Variants in KIAA1217 observed in about 807,000 individuals in gnomAD.
The protein encoded by KIAA1217 is KIAA1217.
A neutral mutation model predicts 163.9 loss-of-function variants in KIAA1217; 88 were observed. The ratio of observed to expected loss-of-function variants is 0.54; its 90% CI spans 0.45 to 0.64. The LOEUF (loss-of-function observed/expected upper bound fraction) is 0.64. Among genes scored for constraint, KIAA1217 ranks in the 30% least tolerant of loss-of-function variants. The pLI is 0.00. For synonymous variants in KIAA1217, 903 were observed against 923.1 expected, an observed-to-expected ratio of 0.98 and a Z score of 0.39; for missense variants, 2,372 against 2,475.0, an observed-to-expected ratio of 0.96 and a Z score of 0.88.
intron 6 of KIAA1217, among the ~76,000 whole-genome samples, chr10:24,487,152 C>G (rs1023782422): frequency 6.6e-6 from 1 of 152,208 alleles, no homozygotes; most frequent in Admixed American, 6.5e-5. Context: ...ATAAATTCTG[C>G]CATTCTTTTC....
At chr10:23,818,739 C>A (rs572332007) in intron 1 of KIAA1217, among the ~76,000 whole-genome samples, 16 of 152,138 alleles carry the variant, frequency 1.1e-4, no homozygotes, top group Non-Finnish European at 1.9e-4. Context: ...TGTCCTTTGG[C>A]AGGGCTTAAG....
intron 12 of KIAA1217, among the ~76,000 whole-genome samples, chr10:24,522,499 G>A (rs1200841340): frequency 3.3e-5 from 5 of 152,202 alleles, no homozygotes; most frequent in Non-Finnish European, 7.3e-5. Flanking sequence ...GAGTATCTGT[G>A]AGACTGTTGG....
At chr10:24,144,039 C>G (rs1422515947) in intron 2 of KIAA1217, among the ~76,000 whole-genome samples, 1 of 152,046 alleles carries the variant, frequency 6.6e-6, no homozygotes, top group South Asian at 2.1e-4. Context: ...TTAGACTGGA[C>G]TTAAATCTAC....
At chr10:24,099,967 C>A (rs542654835) in intron 2 of KIAA1217, among the ~76,000 whole-genome samples, 1 of 151,840 alleles carries the variant, frequency 6.6e-6, no homozygotes, top group Non-Finnish European at 1.5e-5. Context: ...ATATGATTTC[C>A]TTGTCTTTTA....
intron 1 of KIAA1217, among the ~76,000 whole-genome samples, chr10:23,743,242 G>GA (rs11446205): frequency 0.26 from 37,197 of 144,406 alleles, 4,895 homozygotes; most frequent in African/African-American, 0.34. Context: ...GATGAACTTT[G>GA]AAAAAAAAAA....
chr10:23,827,320 C>A (rs952778764), intron 1 of KIAA1217, among the ~76,000 whole-genome samples: 2 of 152,184 alleles, frequency 1.3e-5, no homozygotes, highest in African/African-American at 2.4e-5. Flanking sequence ...AAAACTTTCA[C>A]TGGCTCTGTG....
intron 9 of KIAA1217, among the ~76,000 whole-genome samples, chr10:24,512,665 C>T (rs1302127893): frequency 6.6e-6 from 1 of 152,208 alleles, no homozygotes. Context: ...TCTGTGATTT[C>T]ATGGTACTTG....
At chr10:23,838,788 T>C (rs1260703447) in intron 1 of KIAA1217, among the ~76,000 whole-genome samples, 1 of 152,202 alleles carries the variant, frequency 6.6e-6, no homozygotes, top group Non-Finnish European at 1.5e-5. Flanking sequence ...ATGGACTTTG[T>C]AAGAGATCTT....
intron 1 of KIAA1217, among the ~76,000 whole-genome samples, chr10:23,745,544 A>G (rs1003403776): frequency 6.6e-6 from 1 of 152,248 alleles, no homozygotes; most frequent in African/African-American, 2.4e-5. Context: ...TGTCCTGCTG[A>G]GAAGCTCTCA....
chr10:24,312,918 A>G (rs763148255), intron 2 of KIAA1217, among the ~76,000 whole-genome samples: 7 of 152,166 alleles, frequency 4.6e-5, no homozygotes, highest in Non-Finnish European at 1.0e-4. Flanking sequence ...CTTGTCTCAA[A>G]CAAACAAAAC....
At chr10:24,307,948 C>T (rs995396842) in intron 2 of KIAA1217, among the ~76,000 whole-genome samples, 2 of 152,156 alleles carry the variant, frequency 1.3e-5, no homozygotes, top group South Asian at 2.1e-4. Context: ...GGTCACTGCC[C>T]GAGTCATGGG....
At chr10:23,817,267 A>T (rs975279597) in intron 1 of KIAA1217, among the ~76,000 whole-genome samples, 2 of 152,240 alleles carry the variant, frequency 1.3e-5, no homozygotes, top group African/African-American at 4.8e-5. Context: ...AGGATAAGAC[A>T]GGATGATATA....
upstream of KIAA1217, among the ~76,000 whole-genome samples, chr10:24,208,161 A>T: frequency 1.5e-5 from 2 of 135,982 alleles, no homozygotes; most frequent in African/African-American, 5.6e-5. Context: ...TCCTATTTTC[A>T]CTCTCTGGGA....
In KIAA1217 at chr10:23,711,032, G is replaced by T. The variant is rs1837218957; in HGVS notation, c.-321+15798G>T. On this transcript the variant is annotated intron_variant, in intron 1 of 18. Coordinates refer to the KIAA1217 transcript ENST00000376462. ...AGGCTTCATCAAAAGTGAGACTATT[G>T]ACTCTTACTCTTTATCTAGATGTGA... Among the ~76,000 whole-genome samples the T allele has an allele frequency of 3.3e-5, 5 of 152,170 alleles. No individual in the cohort carries two copies. The South Asian group carries it at 1.0e-3, about 31-fold the overall frequency.
chr10:24,538,566 G>GAGGAAGGAAGGAAGGA lies in KIAA1217; in HGVS notation c.3534+1699_3534+1714dup, dbSNP rs1220062160. ...GGAGGGATGGAGGGAGGGAGGGAGGGAGGAAGGAAGGAAGGAAGGAAGGAA... is the reference window on the plus strand; with the variant it reads ...GGAGGGATGGAGGGAGGGAGGGAGGGAGGAAGGAAGGAAGGAAGGAAGGAAGGAAGGAAGGAAGGAA... On this transcript the variant is annotated intron_variant, in intron 17 of 20. Coordinates refer to ENST00000376454, the MANE Select transcript of KIAA1217 (RefSeq NM_019590.5). Among the ~76,000 whole-genome samples the GAGGAAGGAAGGAAGGA allele has an allele frequency of 2.1e-4, 18 of 83,980 alleles. No individual in the cohort carries two copies. The East Asian group carries it at 2.3e-3, about 11-fold the overall frequency. 55.1% of individuals were successfully genotyped at this position (83,980 alleles called of 152,430 possible). A position where few individuals can be genotyped will look rare whatever the true frequency, so the allele number is the denominator to read the frequency against.
intron 3 of KIAA1217, among the ~76,000 whole-genome samples, chr10:24,425,910 A>G (rs148369678): frequency 0.012 from 1,818 of 152,300 alleles, 16 homozygotes; most frequent in Non-Finnish European, 0.017. Context: ...ACCTTTGCCA[A>G]TGTTGTAGGT....
intron 1 of KIAA1217, among the ~76,000 whole-genome samples, chr10:23,714,474 T>G (rs935205890): frequency 2.6e-5 from 4 of 152,050 alleles, no homozygotes; most frequent in African/African-American, 9.7e-5. Context: ...ACTAAGACTT[T>G]GGTAGAGTCC....
chr10:24,272,428 C>A (rs2076862404), intron 2 of KIAA1217, among the ~76,000 whole-genome samples: 1 of 152,162 alleles, frequency 6.6e-6, no homozygotes, highest in Non-Finnish European at 1.5e-5. Context: ...AGTTTTCATT[C>A]AGTTCTAAAA....
intron 2 of KIAA1217, among the ~76,000 whole-genome samples, chr10:24,130,260 T>A (rs2063605699): frequency 6.6e-6 from 1 of 152,190 alleles, no homozygotes; most frequent in South Asian, 2.1e-4. Context: ...CTCAAGCTCC[T>A]GGGCTACTGG....
Sources: allele counts gnomAD v4.1 joint callset (sites outside exome capture counted in the v4.1 genomes callset), GRCh38; gene constraint gnomAD v4.1.1; transcripts MANE v1.5; gene names NCBI Gene and HGNC (gene_info 2026-07-23, HGNC 2026-07-21).